The following SPOCK3 variants were observed in gnomAD, a reference collection of about 807,000 sequenced individuals.
SPOCK3 encodes testican-3.
In SPOCK3, 30 loss-of-function variants were observed where a neutral mutation model predicts 56.6. The observed-to-expected ratio is 0.53, with a 90% CI of 0.40 to 0.72. The LOEUF (loss-of-function observed/expected upper bound fraction) is 0.72, where lower values mean the gene tolerates loss of function less well. Ranked by LOEUF, SPOCK3 falls within the 30% of genes least tolerant of loss-of-function variation. The pLI, the probability that SPOCK3 is intolerant of heterozygous loss-of-function variation, is 0.00. For missense variants in SPOCK3, 527 were observed against 530.0 expected (o/e 0.99, Z 0.06); for synonymous variants, 196 against 183.3 (o/e 1.07, Z -0.56).
At chr4:167,196,510 T>G (rs958997915) in intron 2 of SPOCK3, among the ~76,000 whole-genome samples, 2 of 151,866 alleles carry the variant, frequency 1.3e-5, no homozygotes, top group African/African-American at 4.8e-5. Context: ...CTTTTCTTTC[T>G]TTCTTTCTTT....
intron 4 of SPOCK3, among the ~76,000 whole-genome samples, chr4:166,930,132 G>A (rs962340237): frequency 1.3e-5 from 2 of 151,662 alleles, no homozygotes; most frequent in Admixed American, 6.6e-5. Flanking sequence ...AGATATAATC[G>A]ACTGACTTTG....
chr4:167,072,627 A>G (rs6825214), intron 2 of SPOCK3, among the ~76,000 whole-genome samples: 3,766 of 152,022 alleles, frequency 0.025, 137 homozygotes, highest in African/African-American at 0.085. Flanking sequence ...TAGAATTTGC[A>G]TAATTCTATT....
chr4:166,958,270 TC>T (rs1156771331), intron 4 of SPOCK3, among the ~76,000 whole-genome samples: 1 of 152,150 alleles, frequency 6.6e-6, no homozygotes, highest in African/African-American at 2.4e-5. Flanking sequence ...ATGAGCCTGC[TC>T]CCCCTCTGCT....
At chr4:166,770,795 G>C (rs894513259) in intron 7 of SPOCK3, among the ~76,000 whole-genome samples, 1 of 151,986 alleles carries the variant, frequency 6.6e-6, no homozygotes, top group African/African-American at 2.4e-5. Context: ...TAGATATAAA[G>C]ATACAGACTG....
intron 2 of SPOCK3, among the ~76,000 whole-genome samples, chr4:167,201,710 G>A (rs908568349): frequency 6.6e-6 from 1 of 150,918 alleles, no homozygotes; most frequent in Non-Finnish European, 1.5e-5. Flanking sequence ...GACTACTAAT[G>A]TGGGACAATT....
intron 7 of SPOCK3, among the ~76,000 whole-genome samples, chr4:166,779,587 G>A (rs545513760): frequency 6.6e-6 from 1 of 151,884 alleles, no homozygotes; most frequent in South Asian, 2.1e-4. Context: ...TGAAAAAAAA[G>A]AAAAAGATTG....
chr4:166,927,524 T>C (rs1325661834), intron 4 of SPOCK3, among the ~76,000 whole-genome samples: 2 of 152,132 alleles, frequency 1.3e-5, no homozygotes. Flanking sequence ...ATCAGCAGCA[T>C]GAAAACAGAT....
At chr4:166,908,904 T>C (rs1000814242) in intron 5 of SPOCK3, among the ~76,000 whole-genome samples, 21 of 152,076 alleles carry the variant, frequency 1.4e-4, no homozygotes, top group African/African-American at 5.1e-4. Flanking sequence ...TCATCTTTTG[T>C]GTCAATTTCA....
intron 4 of SPOCK3, among the ~76,000 whole-genome samples, chr4:166,996,629 G>A (rs1748412103): frequency 1.3e-5 from 2 of 152,036 alleles, no homozygotes; most frequent in Non-Finnish European, 2.9e-5. Context: ...TCTTTTAACT[G>A]GTAATGATAA....
At chr4:167,234,584 T>C, upstream of SPOCK3, 1 of 213,126 alleles carries the variant, frequency 4.7e-6, no homozygotes, top group Admixed American at 5.5e-5. Flanking sequence ...CCCGGCGCGC[T>C]CCCCCCATCT....
intron 6 of SPOCK3, among the ~76,000 whole-genome samples, chr4:166,805,079 A>G (rs906537732): frequency 6.6e-6 from 1 of 152,072 alleles, no homozygotes; most frequent in Non-Finnish European, 1.5e-5. Context: ...TCTGGGCAAT[A>G]ATATTCTATG....
In SPOCK3 at chr4:167,125,191, TTTTATTTA is replaced by T. The variant is rs59279364; in HGVS notation, c.190-62662_190-62655del. Among the ~76,000 whole-genome samples, 477 of 142,526 alleles carry T rather than the reference TTTTATTTA, an allele frequency of 3.3e-3. 1 individual carries two copies. The highest frequency in any genetic ancestry group is 5.7e-3 in the Admixed American group (81 of 14,182). 93.5% of individuals were successfully genotyped at this position (142,526 alleles called of 152,430 possible). A position where few individuals can be genotyped will look rare whatever the true frequency, so the allele number is the denominator to read the frequency against. On this transcript the variant is annotated intron_variant, in intron 2 of 10. Transcript: ENST00000357545. Reference sequence around the variant, plus strand: ...GGTTCTTTGTATGAGCACAGAGATTTTTTATTTATTTATTTATTTATTTATTTATTTAT... The same window carrying T: ...GGTTCTTTGTATGAGCACAGAGATTTTTTATTTATTTATTTATTTATTTAT...
At chr4:166,860,932 C>T (rs1392405481) in intron 6 of SPOCK3, among the ~76,000 whole-genome samples, 2 of 150,630 alleles carry the variant, frequency 1.3e-5, no homozygotes, top group Admixed American at 6.6e-5. Context: ...AACACTATAA[C>T]GTCTGGAATA....
At chr4:167,097,489 G>A (rs1212165488) in intron 2 of SPOCK3, among the ~76,000 whole-genome samples, 1 of 151,714 alleles carries the variant, frequency 6.6e-6, no homozygotes, top group Non-Finnish European at 1.5e-5. Flanking sequence ...GGAGTCTTAT[G>A]GGTGTCATGG....
intron 8 of SPOCK3, among the ~76,000 whole-genome samples, chr4:166,742,380 A>T (rs1178375295): frequency 1.3e-5 from 2 of 152,136 alleles, no homozygotes; most frequent in Non-Finnish European, 2.9e-5. Context: ...ATTTTTTAAA[A>T]GTATAAAAGA....
intron 4 of SPOCK3, among the ~76,000 whole-genome samples, chr4:166,954,052 T>G (rs1743078622): frequency 6.6e-6 from 1 of 152,086 alleles, no homozygotes. Context: ...ACCTGCACAT[T>G]GTGCACATGT....
intron 2 of SPOCK3, among the ~76,000 whole-genome samples, chr4:167,182,454 G>A (rs1731562311): frequency 6.8e-6 from 1 of 147,418 alleles, no homozygotes; most frequent in African/African-American, 2.5e-5. Context: ...CTCAAAGAAA[G>A]ATATTTGGAA....
intron 2 of SPOCK3, among the ~76,000 whole-genome samples, chr4:167,185,955 A>T (rs981606522): frequency 6.6e-6 from 1 of 152,246 alleles, no homozygotes; most frequent in Non-Finnish European, 1.5e-5. Flanking sequence ...TCCAAACTGC[A>T]TATGTACCCT....
At chr4:166,790,901 C>G (rs1427668990) in intron 7 of SPOCK3, among the ~76,000 whole-genome samples, 2 of 152,114 alleles carry the variant, frequency 1.3e-5, no homozygotes, top group African/African-American at 2.4e-5. Flanking sequence ...ATGGAAGAAA[C>G]CTTCTCCCCA....
Sources: allele counts gnomAD v4.1 joint callset (sites outside exome capture counted in the v4.1 genomes callset), GRCh38; gene constraint gnomAD v4.1.1; transcripts MANE v1.5; gene names NCBI Gene and HGNC (gene_info 2026-07-23, HGNC 2026-07-21).